The following MAN2A1 variants were observed in gnomAD, a reference collection of about 807,000 sequenced individuals.
MAN2A1 encodes the protein mannosidase alpha class 2A member 1, also known as alpha-mannosidase 2.
In MAN2A1, 76 loss-of-function variants were observed where a neutral mutation model predicts 142.6. The ratio of observed to expected loss-of-function variants is 0.53; its 90% CI spans 0.44 to 0.65. MAN2A1 has a LOEUF of 0.65. MAN2A1 is among the 30% of genes least tolerant of loss of function. The pLI is 0.00. For synonymous variants in MAN2A1, 559 were observed against 473.2 expected (o/e 1.18, Z -2.35); for missense variants, 1,311 against 1,365.1 (o/e 0.96, Z 0.62).
At chr5:109,710,932 C>T (rs545869332) in intron 1 of MAN2A1, among the ~76,000 whole-genome samples, 20 of 152,170 alleles carry the variant, frequency 1.3e-4, no homozygotes, top group African/African-American at 1.9e-4. Flanking sequence ...TCAGGTGATC[C>T]GCCCGCTTCG....
chr5:109,859,037 G>T (rs946502385), intron 20 of MAN2A1, among the ~76,000 whole-genome samples: 1 of 152,198 alleles, frequency 6.6e-6, no homozygotes, highest in African/African-American at 2.4e-5. Context: ...ATTCTATAGG[G>T]CTGGGGAGGA....
At chr5:109,798,823 A>G (rs991288157) in intron 12 of MAN2A1, among the ~76,000 whole-genome samples, 2 of 152,052 alleles carry the variant, frequency 1.3e-5, no homozygotes, top group African/African-American at 4.8e-5. Flanking sequence ...CTGGGACTAC[A>G]GGCACCCGCC....
At chr5:109,760,168 G>A (rs541246591) in intron 5 of MAN2A1, among the ~76,000 whole-genome samples, 13 of 151,912 alleles carry the variant, frequency 8.6e-5, no homozygotes, top group Admixed American at 2.6e-4. Context: ...CCTGTGTGTC[G>A]TGTTCCCCTC....
At chr5:109,769,286 A>G (rs368617068) in intron 6 of MAN2A1, among the ~76,000 whole-genome samples, 8 of 152,356 alleles carry the variant, frequency 5.3e-5, no homozygotes, top group African/African-American at 1.9e-4. Flanking sequence ...AACTAAATTG[A>G]TAAAACTGGA....
At chr5:109,809,849 C>T (rs1754270634) in intron 12 of MAN2A1, among the ~76,000 whole-genome samples, 1 of 152,056 alleles carries the variant, frequency 6.6e-6, no homozygotes, top group Admixed American at 6.6e-5. Context: ...TACACATATC[C>T]TATTTCACAT....
At chr5:109,795,790 A>G (rs765542756) in intron 12 of MAN2A1, among the ~76,000 whole-genome samples, 7 of 152,204 alleles carry the variant, frequency 4.6e-5, no homozygotes, top group Non-Finnish European at 1.0e-4. Context: ...TTTTGAGGCT[A>G]TTAGGAAGTT....
At chr5:109,720,947 A>AT (rs955324001) in intron 3 of MAN2A1, among the ~76,000 whole-genome samples, 7 of 152,156 alleles carry the variant, frequency 4.6e-5, no homozygotes, top group Non-Finnish European at 1.0e-4. Flanking sequence ...GGATTGTTTG[A>AT]TTTTGGCTGC....
chr5:109,735,938 C>A (rs1343808226), intron 4 of MAN2A1, among the ~76,000 whole-genome samples: 1 of 117,252 alleles, frequency 8.5e-6, no homozygotes, highest in East Asian at 3.1e-4. Context: ...ACAGGTTTGA[C>A]TAGGAAGTGA....
At chr5:109,772,716 C>T (rs142100960) in intron 7 of MAN2A1, among the ~76,000 whole-genome samples, 1 of 152,198 alleles carries the variant, frequency 6.6e-6, no homozygotes, top group Non-Finnish European at 1.5e-5. Flanking sequence ...CCCTGTGTTG[C>T]CCAGGATGGT....
intron 16 of MAN2A1, among the ~76,000 whole-genome samples, chr5:109,841,276 GTCTTTT>G (rs1755196715): frequency 1.3e-5 from 2 of 152,226 alleles, no homozygotes; most frequent in Non-Finnish European, 2.9e-5. Flanking sequence ...TCTATTTGTA[GTCTTTT>G]ATCCCTCGCC....
intron 1 of MAN2A1, among the ~76,000 whole-genome samples, chr5:109,709,165 G>A (rs1248900423): frequency 1.5e-5 from 1 of 66,336 alleles, no homozygotes; most frequent in African/African-American, 1.4e-4. Flanking sequence ...ACAGGAGGGT[G>A]GAAGCACAGA....
chr5:109,772,737 T>C (rs1196127702), intron 7 of MAN2A1, among the ~76,000 whole-genome samples: 1 of 152,094 alleles, frequency 6.6e-6, no homozygotes, highest in Non-Finnish European at 1.5e-5. Context: ...CTTGAACTCC[T>C]GGGGTCAAAT....
At chr5:109,758,919 AT>A (rs1752764584) in intron 5 of MAN2A1, among the ~76,000 whole-genome samples, 1 of 151,942 alleles carries the variant, frequency 6.6e-6, no homozygotes, top group Non-Finnish European at 1.5e-5. Context: ...ATGAGAGTTT[AT>A]TCCTGGACTC....
chr5:109,808,179 T>C (rs1373010525), intron 12 of MAN2A1, among the ~76,000 whole-genome samples: 1 of 152,222 alleles, frequency 6.6e-6, no homozygotes, highest in South Asian at 2.1e-4. Context: ...ATTTCCCGTA[T>C]ATCTGTGTCT....
At chr5:109,742,802 A>G (rs1278614990) in intron 4 of MAN2A1, among the ~76,000 whole-genome samples, 2 of 152,248 alleles carry the variant, frequency 1.3e-5, no homozygotes, top group Admixed American at 1.3e-4. Flanking sequence ...ACTGAAAGCA[A>G]TGCACCAGGG....
chr5:109,842,963 A>G (rs1055036242), intron 17 of MAN2A1, among the ~76,000 whole-genome samples: 2 of 151,502 alleles, frequency 1.3e-5, no homozygotes, highest in African/African-American at 2.4e-5. Context: ...ACACCACTAC[A>G]CCCAGCTAAT....
intron 3 of MAN2A1, among the ~76,000 whole-genome samples, chr5:109,726,458 G>C (rs916793685): frequency 1.3e-5 from 2 of 152,144 alleles, no homozygotes; most frequent in African/African-American, 4.8e-5. Context: ...TAATTATGCT[G>C]TATGGTGGTG....
At chr5:109,854,158 T>A (rs1755550463) in intron 19 of MAN2A1, 1 of 152,184 alleles carries the variant, frequency 6.6e-6, no homozygotes, top group Non-Finnish European at 1.5e-5. Context: ...AGTAATCATT[T>A]TAAGAAATAA....
rs1177475285 is a variant in MAN2A1 at position 109,864,843 on chromosome 5, C to T, written c.3172-193C>T. 3 of 567,162 alleles carry T rather than the reference C, an allele frequency of 5.3e-6. No homozygotes were observed. The East Asian group carries it at 8.6e-5, about 16-fold the overall frequency. 35.1% of individuals were successfully genotyped at this position (567,162 alleles called of 1,614,324 possible). A position where few individuals can be genotyped will look rare whatever the true frequency, so the allele number is the denominator to read the frequency against. On this transcript the variant is annotated intron_variant, in intron 20 of 21. Transcript: ENST00000261483. ...AACCTTAGAACATAATCTTACCTGG[C>T]TCAGTACAAGTAGGAGAGAATGGTA...
Sources: allele counts gnomAD v4.1 joint callset (sites outside exome capture counted in the v4.1 genomes callset), GRCh38; gene constraint gnomAD v4.1.1; transcripts MANE v1.5; gene names NCBI Gene and HGNC (gene_info 2026-07-23, HGNC 2026-07-21).